FAS: variants seen among roughly 807,000 people sequenced by gnomAD.
FAS encodes Fas cell surface death receptor.
FAS carries 5 observed loss-of-function variants against 33.2 expected under a neutral mutation model. The observed-to-expected ratio is 0.15, with a 90% CI of 0.08 to 0.32. FAS has a LOEUF of 0.32. Among genes scored for constraint, FAS ranks in the 10% least tolerant of loss-of-function variants. The pLI is 1.00. For synonymous variants in FAS, 131 were observed against 130.7 expected, an observed-to-expected ratio of 1.00 and a Z score of -0.01; for missense variants, 339 against 386.0, an observed-to-expected ratio of 0.88 and a Z score of 1.02.
At chr10:88,987,401 G>A (rs912815465), upstream of FAS, among the ~76,000 whole-genome samples, 1 of 152,156 alleles carries the variant, frequency 6.6e-6, no homozygotes, top group Non-Finnish European at 1.5e-5. Context: ...GGGTGGTCCA[G>A]GGTTCAATTT....
chr10:88,983,122 A>G (rs1846752164), upstream of FAS, among the ~76,000 whole-genome samples: 1 of 152,220 alleles, frequency 6.6e-6, no homozygotes, highest in Non-Finnish European at 1.5e-5. Flanking sequence ...ACTGAGTTAG[A>G]GTGTGGAGTT....
chr10:88,986,950 T>C (rs1846913032), upstream of FAS, among the ~76,000 whole-genome samples: 1 of 152,246 alleles, frequency 6.6e-6, no homozygotes, highest in South Asian at 2.1e-4. Context: ...GCATATGTCA[T>C]TTCTTTAATC....
chr10:89,009,768 C>G, intron 4 of FAS, among the ~76,000 whole-genome samples: 1 of 152,146 alleles, frequency 6.6e-6, no homozygotes, highest in East Asian at 1.9e-4. Flanking sequence ...GAGAGTGCCC[C>G]TATGATGACA....
intron 1 of FAS, among the ~76,000 whole-genome samples, chr10:88,965,864 A>G (rs1261419355): frequency 6.6e-6 from 1 of 152,168 alleles, no homozygotes; most frequent in African/African-American, 2.4e-5. Flanking sequence ...CTAACTTTTG[A>G]GAGAGCCCTG....
rs898277057 is a variant in FAS at position 89,007,799 on chromosome 10, C to A, written c.296C>A (p.Ser99Tyr). 1.2e-6 allele frequency: 2 copies of A among 1,613,978 alleles called. No homozygotes were observed. Among genetic ancestry groups the A allele is most frequent in the Non-Finnish European group, 1.7e-6 (2 of 1,179,912 alleles). ...TACACAGACAAAGCCCATTTTTCTT[C>A]CAAATGCAGAAGATGTAGATTGTGT... Reference protein sequence around the residue: ...KEYTDKAHFSSKCRRCRLCDE... With the variant: ...KEYTDKAHFSYKCRRCRLCDE... Residue 99 changes from serine (S) to tyrosine (Y), a missense_variant, in exon 3 of 9, where the codon TCC (serine) becomes TAC (tyrosine). Coordinates refer to ENST00000652046, the MANE Select transcript of FAS (RefSeq NM_000043.6).
At chr10:88,989,522 T>C (rs754990444), upstream of FAS, 2 of 544,104 alleles carry the variant, frequency 3.7e-6, no homozygotes, top group Admixed American at 3.8e-5. Context: ...CTCATGGCAC[T>C]AACAGTCTAC....
chr10:88,987,169 T>C (rs1846923520), upstream of FAS, among the ~76,000 whole-genome samples: 1 of 152,218 alleles, frequency 6.6e-6, no homozygotes, highest in Admixed American at 6.5e-5. Flanking sequence ...AAAAATTCTT[T>C]GGTAGAAGAA....
At position 89,014,679 on chromosome 10, in the gene FAS, G is replaced by T; in HGVS notation, c.*229G>T. The T allele has an allele frequency of 1.5e-6, 1 of 670,664 alleles. No homozygotes were observed. The highest frequency in any genetic ancestry group is 2.9e-5 in the East Asian group (1 of 35,082). The allele number at this position is 670,664 out of a possible 1,614,324, so 41.5% of individuals were successfully genotyped here. ...TCATCAAGAGTAAATGCAGTGGCAT[G>T]CTAAGTACCCAAATAGGAGTGTATG... On this transcript the variant is annotated 3_prime_UTR_variant, in exon 9 of 9. Transcript: ENST00000652046.
At chr10:88,970,956 T>C (rs1471585002) in intron 1 of FAS, among the ~76,000 whole-genome samples, 1 of 152,134 alleles carries the variant, frequency 6.6e-6, no homozygotes, top group Admixed American at 6.5e-5. Context: ...ACAAAAATAA[T>C]GTCTGAACTC....
At chr10:89,012,917 G>A (rs1848603883) in intron 7 of FAS, 1 of 153,090 alleles carries the variant, frequency 6.5e-6, no homozygotes, top group African/African-American at 2.4e-5. Context: ...TTTGGGGCCA[G>A]GGCTCAGTGG....
chr10:88,966,157 G>A (rs1846314488), intron 1 of FAS, among the ~76,000 whole-genome samples: 1 of 152,200 alleles, frequency 6.6e-6, no homozygotes, highest in Non-Finnish European at 1.5e-5. Flanking sequence ...GAGCCACACA[G>A]AAGCACTTGG....
At chr10:88,991,383 G>A (rs573337373) in intron 1 of FAS, 55 of 298,760 alleles carry the variant, frequency 1.8e-4, no homozygotes, top group African/African-American at 1.2e-3. Flanking sequence ...CCGCGGGGGC[G>A]GGGAGAGAGC....
upstream of FAS, chr10:88,990,419 C>G (rs1321398252): frequency 6.6e-6 from 3 of 458,012 alleles, no homozygotes; most frequent in African/African-American, 5.9e-5. The surrounding 1 kb of genome is among the most constrained non-coding windows in gnomAD (Gnocchi z 4.9). Context: ...GGCCGGCTCT[C>G]GAGGTCCTCA....
At chr10:89,001,422 A>G (rs978131035) in intron 1 of FAS, among the ~76,000 whole-genome samples, 2 of 151,080 alleles carry the variant, frequency 1.3e-5, no homozygotes, top group East Asian at 1.9e-4. Flanking sequence ...CATCAAGGCC[A>G]TTTGCCACAC....
At chr10:88,978,457 C>G (rs998327741) in intron 2 of FAS, among the ~76,000 whole-genome samples, 1 of 152,166 alleles carries the variant, frequency 6.6e-6, no homozygotes, top group Non-Finnish European at 1.5e-5. Context: ...GTCCTTTTCA[C>G]ATAAGTGGGT....
upstream of FAS, among the ~76,000 whole-genome samples, chr10:88,988,375 G>C (rs1846971636): frequency 6.7e-6 from 1 of 150,342 alleles, no homozygotes; most frequent in Admixed American, 6.6e-5. Context: ...TAGGACCAAA[G>C]GGGAAAAGAA....
At chr10:88,999,258 G>C (rs982507934) in intron 1 of FAS, among the ~76,000 whole-genome samples, 1 of 152,082 alleles carries the variant, frequency 6.6e-6, no homozygotes, top group Non-Finnish European at 1.5e-5. Context: ...CTTCTTTGCT[G>C]CATTCTGAGA....
intron 1 of FAS, among the ~76,000 whole-genome samples, chr10:89,000,015 C>T (rs2148287): frequency 0.5 from 75,954 of 152,060 alleles, 19,669 homozygotes; most frequent in Non-Finnish European, 0.56. Context: ...TTTTTGTGTC[C>T]AGTAATTTTA....
intron 2 of FAS, among the ~76,000 whole-genome samples, chr10:89,004,631 T>G (rs1848122492): frequency 1.3e-5 from 2 of 151,752 alleles, no homozygotes; most frequent in Non-Finnish European, 1.5e-5. Context: ...TCATTATCAA[T>G]ATGATGTAGG....
Sources: allele counts gnomAD v4.1 joint callset (sites outside exome capture counted in the v4.1 genomes callset), GRCh38; gene constraint gnomAD v4.1.1; non-coding constraint Gnocchi (gnomAD v3.1); transcripts MANE v1.5; gene names NCBI Gene and HGNC (gene_info 2026-07-23, HGNC 2026-07-21).